EPC1: variants seen among roughly 807,000 people sequenced by gnomAD.
EPC1 encodes the protein enhancer of polycomb homolog 1.
A neutral mutation model predicts 98.4 loss-of-function variants in EPC1; 12 were observed. The ratio of observed to expected loss-of-function variants is 0.12; its 90% confidence interval spans 0.08 to 0.20. EPC1 has a LOEUF of 0.20. EPC1 is among the 10% of genes least tolerant of loss of function. The pLI is 1.00. For missense variants in EPC1, 729 were observed against 990.5 expected (o/e 0.74, Z 3.54); for synonymous variants, 357 against 363.9 (o/e 0.98, Z 0.21).
chr10:32,355,761 C>T (rs922362675), intron 1 of EPC1, among the ~76,000 whole-genome samples: 13 of 151,990 alleles, frequency 8.6e-5, no homozygotes, highest in Non-Finnish European at 1.5e-4. Flanking sequence ...CAGGCGTGCG[C>T]CACCACACCC....
chr10:32,285,192 G>A (rs1836615230), intron 9 of EPC1, 142 bp from the exon 10 acceptor site: 2 of 620,540 alleles, frequency 3.2e-6, no homozygotes, highest in South Asian at 2.7e-5. Flanking sequence ...TTATTTTAGT[G>A]TTTGGTTTTT....
intron 1 of EPC1, among the ~76,000 whole-genome samples, chr10:32,353,248 G>C (rs1839177233): frequency 6.6e-6 from 1 of 152,014 alleles, no homozygotes; most frequent in African/African-American, 2.4e-5. Context: ...TAGAATCGAA[G>C]AAAGAGATGT....
intron 1 of EPC1, among the ~76,000 whole-genome samples, chr10:32,353,364 A>G (rs1376904508): frequency 6.6e-6 from 1 of 152,180 alleles, no homozygotes; most frequent in East Asian, 1.9e-4. Context: ...GCATGTTTGT[A>G]TACTAAAAGC....
At position 32,272,079 on chromosome 10, in the gene EPC1, A is replaced by C. The variant is rs774861445; in HGVS notation, c.1952T>G (p.Met651Arg). 2.5e-6 allele frequency: 4 copies of C among 1,613,968 alleles called. No individual in the cohort carries two copies. The highest frequency in any genetic ancestry group is 1.3e-5 in the African/African-American group (1 of 74,932). Residue 651 changes from methionine (M) to arginine (R), a missense_variant, in exon 12 of 14, where the codon ATG becomes AGG. Around this residue, in one of 6 missense-constraint regions of EPC1, gnomAD observed 4 missense variants for 23.3 expected, o/e 0.17. Coordinates refer to ENST00000319778, the MANE Select transcript of EPC1 (RefSeq NM_001272004.3). ...VTSEQLMGFK[M>R]KDDVVLGIGV... ...GATTCCAAGCACCACATCATCCTTC[A>C]TCTTGAATCCCATCAGTTGTTCTGA...
intron 1 of EPC1, among the ~76,000 whole-genome samples, chr10:32,314,885 C>T (rs527677048): frequency 7.9e-5 from 12 of 152,358 alleles, no homozygotes; most frequent in African/African-American, 2.2e-4. Flanking sequence ...TCTCACCCCA[C>T]CATTGGAAAT....
intron 1 of EPC1, among the ~76,000 whole-genome samples, chr10:32,331,583 G>A (rs1021300884): frequency 1.3e-5 from 2 of 151,672 alleles, no homozygotes; most frequent in African/African-American, 2.4e-5. Context: ...GTTGGTTTAC[G>A]CAGTTTTATT....
Position 32,286,916 on chromosome 10 carries a change from T to C in EPC1, c.1242+10A>G. On this transcript the variant is annotated intron_variant, in intron 8 of 13. Transcript: ENST00000319778. ...TAGTTTGTTATTTACAAAGACACTC[T>C]GAAACTTACAGCATAGTACTGACAG... 1 of 1,611,372 alleles carries C rather than the reference T, an allele frequency of 6.2e-7. No individual in the cohort carries two copies. The highest frequency in any genetic ancestry group is 8.5e-7 in the Non-Finnish European group (1 of 1,179,132).
At chr10:32,371,703 A>G (rs1254800787) in intron 1 of EPC1, among the ~76,000 whole-genome samples, 1 of 152,172 alleles carries the variant, frequency 6.6e-6, no homozygotes, top group African/African-American at 2.4e-5. Flanking sequence ...GTTCGAGACC[A>G]GCCTGGCCAA....
chr10:32,356,554 A>G (rs1839282881), intron 1 of EPC1, among the ~76,000 whole-genome samples: 1 of 152,078 alleles, frequency 6.6e-6, no homozygotes, highest in South Asian at 2.1e-4. Context: ...CAAGGAGGAG[A>G]TCAACGAGGA....
intron 1 of EPC1, among the ~76,000 whole-genome samples, chr10:32,368,401 T>C (rs2133117314): frequency 6.6e-6 from 1 of 152,304 alleles, no homozygotes; most frequent in African/African-American, 2.4e-5. Context: ...CCACGTGTGT[T>C]CTTCCATCTT....
intron 10 of EPC1, among the ~76,000 whole-genome samples, chr10:32,276,376 G>A (rs1202397983): frequency 1.3e-5 from 2 of 152,100 alleles, no homozygotes; most frequent in Non-Finnish European, 2.9e-5. Flanking sequence ...GCCAGGCGTG[G>A]TGGCACATGC....
chr10:32,289,248 T>C (rs1836861430), intron 6 of EPC1, among the ~76,000 whole-genome samples: 1 of 152,158 alleles, frequency 6.6e-6, no homozygotes, highest in African/African-American at 2.4e-5. Context: ...CAGCTCTAAC[T>C]TTCCAGATCA....
In EPC1 at chr10:32,361,421, T is replaced by C. The variant is rs2133102648; in HGVS notation, c.3+17070A>G. ...TTTGGCATATTTGAGCTGGTTATTC[T>C]GAGAAGTTGCAGGTATAGTAGTAGC... On this transcript the variant is annotated intron_variant, in intron 1 of 13. Coordinates refer to the EPC1 transcript ENST00000375110. 2.0e-5 allele frequency among the ~76,000 whole-genome samples: 3 copies of C among 152,332 alleles called. No individual in the cohort carries two copies. In the South Asian group the frequency reaches 6.2e-4, roughly 32 times the overall value.
At chr10:32,323,916 T>C (rs1255343891) in intron 1 of EPC1, among the ~76,000 whole-genome samples, 2 of 152,130 alleles carry the variant, frequency 1.3e-5, no homozygotes, top group African/African-American at 4.8e-5. Context: ...ATGGCCTAAA[T>C]TGTTATTAGA....
intron 1 of EPC1, among the ~76,000 whole-genome samples, chr10:32,358,213 T>A (rs1179532487): frequency 6.6e-6 from 1 of 152,220 alleles, no homozygotes; most frequent in Admixed American, 6.5e-5. Flanking sequence ...CTGAGACTAT[T>A]ATTTGACAAA....
At chr10:32,304,151 T>C (rs557535408) in intron 2 of EPC1, among the ~76,000 whole-genome samples, 16 of 152,226 alleles carry the variant, frequency 1.1e-4, no homozygotes, top group Non-Finnish European at 2.2e-4. Flanking sequence ...CTTTTGACTT[T>C]ACTGACCACA....
intron 10 of EPC1, among the ~76,000 whole-genome samples, chr10:32,277,451 C>T (rs1293180443): frequency 1.3e-5 from 2 of 152,180 alleles, no homozygotes; most frequent in East Asian, 1.9e-4. Context: ...AACCAAGATC[C>T]TCAAACAACT....
At chr10:32,296,314 C>A (rs761246600) in intron 2 of EPC1, among the ~76,000 whole-genome samples, 2 of 152,144 alleles carry the variant, frequency 1.3e-5, no homozygotes, top group Non-Finnish European at 2.9e-5. Context: ...TTCTTTAGAT[C>A]GTATCACATG....
chr10:32,272,193 T>G (rs758070228), intron 11 of EPC1, 26 bp from the exon 12 acceptor site: 1 of 1,583,512 alleles, frequency 6.3e-7, no homozygotes, highest in South Asian at 1.2e-5. Context: ...AAAAGAAATC[T>G]AATCAGTATC....
Sources: allele counts gnomAD v4.1 joint callset (sites outside exome capture counted in the v4.1 genomes callset), GRCh38; gene constraint gnomAD v4.1.1; regional missense constraint gnomAD v4.1.1; transcripts MANE v1.5; gene names NCBI Gene and HGNC (gene_info 2026-07-23, HGNC 2026-07-21).